ATP2C1: variants seen among roughly 807,000 people sequenced by gnomAD.
ATP2C1 encodes calcium-transporting ATPase type 2C member 1.
In ATP2C1, 31 loss-of-function variants were observed where a neutral mutation model predicts 120.5. That is an observed-to-expected ratio of 0.26 (90% CI 0.19 to 0.35). The LOEUF is 0.35. Ranked by LOEUF, ATP2C1 falls within the 10% of genes least tolerant of loss-of-function variation. ATP2C1 has a pLI of 1.00. For missense variants in ATP2C1, 731 were observed against 1,107.5 expected (o/e 0.66, Z 4.83); for synonymous variants, 351 against 358.7 (o/e 0.98, Z 0.24).
At chr3:130,853,376 C>A (rs1185485132) in intron 1 of ATP2C1, among the ~76,000 whole-genome samples, 3 of 152,118 alleles carry the variant, frequency 2.0e-5, no homozygotes, top group African/African-American at 7.2e-5. Context: ...TTTTTCAATC[C>A]AAAATGATTC....
chr3:130,902,876 A>G (rs2057928563), intron 2 of ATP2C1, among the ~76,000 whole-genome samples: 1 of 151,888 alleles, frequency 6.6e-6, no homozygotes, highest in South Asian at 2.1e-4. Context: ...GGACAGGACC[A>G]CCGATATTTT....
At chr3:130,925,282 T>G (rs567281524) in intron 2 of ATP2C1, among the ~76,000 whole-genome samples, 1 of 152,336 alleles carries the variant, frequency 6.6e-6, no homozygotes, top group Non-Finnish European at 1.5e-5. Flanking sequence ...TGATGTGGTG[T>G]TCTCCCCTTT....
rs554770405 is a variant in ATP2C1, at chr3:131,010,300, C to T, written c.2630-5852C>T. Among the ~76,000 whole-genome samples, 160 of 151,364 alleles carry T rather than the reference C, an allele frequency of 1.1e-3. 1 individual carries two copies. The highest frequency in any genetic ancestry group is 3.5e-3 in the South Asian group (17 of 4,802). Reference sequence around the variant, plus strand: ...CTGCATCCCGGGTTCACACCATTCTCCGGCCTCAGCCTCCCAAGTAGCTGG... The same window carrying T: ...CTGCATCCCGGGTTCACACCATTCTTCGGCCTCAGCCTCCCAAGTAGCTGG... On this transcript the variant is annotated intron_variant, in intron 26 of 26. Transcript: ENST00000328560.
At chr3:130,885,904 T>G (rs2068959531) in intron 1 of ATP2C1, among the ~76,000 whole-genome samples, 1 of 152,214 alleles carries the variant, frequency 6.6e-6, no homozygotes, top group South Asian at 2.1e-4. Context: ...GTTTGTTACA[T>G]AGATAAACAC....
At chr3:130,924,700 A>C (rs1419541860) in intron 2 of ATP2C1, among the ~76,000 whole-genome samples, 1 of 152,174 alleles carries the variant, frequency 6.6e-6, no homozygotes, top group Non-Finnish European at 1.5e-5. Context: ...CCTCAGGAAC[A>C]CGAATTATTT....
chr3:130,972,762 G>A (rs1004654406), intron 17 of ATP2C1, among the ~76,000 whole-genome samples: 3 of 151,574 alleles, frequency 2.0e-5, no homozygotes, highest in African/African-American at 4.8e-5. Context: ...ATGATTTCCA[G>A]TTTCATCCAT....
chr3:130,852,087 A>G (rs1440085105), intron 1 of ATP2C1, among the ~76,000 whole-genome samples: 3 of 152,224 alleles, frequency 2.0e-5, no homozygotes, highest in Non-Finnish European at 2.9e-5. Context: ...TCTGTTCACT[A>G]AGGGAGCTAG....
At chr3:130,889,242 T>C (rs1036467170), upstream of ATP2C1, among the ~76,000 whole-genome samples, 3 of 152,232 alleles carry the variant, frequency 2.0e-5, no homozygotes, top group South Asian at 6.2e-4. Context: ...AAAACCCATG[T>C]AGACACAGGG....
chr3:130,954,136 G>A (rs2108551304), intron 9 of ATP2C1, among the ~76,000 whole-genome samples, 160 bp downstream of exon 9: 1 of 152,260 alleles, frequency 6.6e-6, no homozygotes. Flanking sequence ...GAGAATCTGT[G>A]TCCCCAAAGT....
At chr3:131,000,749 T>A (rs1251321940) in intron 27 of ATP2C1, among the ~76,000 whole-genome samples, 1 of 152,200 alleles carries the variant, frequency 6.6e-6, no homozygotes, top group Non-Finnish European at 1.5e-5. Context: ...TTTTCTTTTC[T>A]TATTTTTAAC....
intron 26 of ATP2C1, among the ~76,000 whole-genome samples, chr3:131,014,784 G>A (rs547309282): frequency 3.3e-5 from 5 of 152,250 alleles, no homozygotes; most frequent in Admixed American, 3.3e-4. Context: ...CATTCACTGA[G>A]ACTAAAAACC....
chr3:130,972,616 C>G (rs913794644), intron 17 of ATP2C1, among the ~76,000 whole-genome samples: 1 of 106,028 alleles, frequency 9.4e-6, no homozygotes, highest in Admixed American at 1.1e-4. Context: ...AATGCTATCC[C>G]TCCCCCTCCC....
At chr3:130,857,300 G>C (rs776907683) in intron 1 of ATP2C1, among the ~76,000 whole-genome samples, 21 of 152,146 alleles carry the variant, frequency 1.4e-4, no homozygotes, top group Non-Finnish European at 1.2e-4. Flanking sequence ...CTAGTTGTCA[G>C]CAACCACCCT....
exon 1 of ATP2C1, chr3:130,850,780 G>T: frequency 1.0e-6 from 1 of 985,300 alleles, no homozygotes; most frequent in South Asian, 2.1e-5. Context: ...TATGGTTGCT[G>T]ACAAGGAGGT....
chr3:130,999,236 G>A (rs1229886197), intron 26 of ATP2C1, among the ~76,000 whole-genome samples: 1 of 151,996 alleles, frequency 6.6e-6, no homozygotes, highest in Non-Finnish European at 1.5e-5. Flanking sequence ...TTGATGTTTG[G>A]GATGTTAAAA....
chr3:130,909,151 A>C (rs2058272959), intron 2 of ATP2C1, among the ~76,000 whole-genome samples: 1 of 152,192 alleles, frequency 6.6e-6, no homozygotes, highest in African/African-American at 2.4e-5. Context: ...TCCCTTAACA[A>C]AGGTTACTGA....
chr3:130,922,157 G>T (rs2058999703), intron 2 of ATP2C1, among the ~76,000 whole-genome samples: 1 of 152,044 alleles, frequency 6.6e-6, no homozygotes, highest in Admixed American at 6.6e-5. Flanking sequence ...GGTCTGTTCA[G>T]AGTTTCTGTA....
intron 7 of ATP2C1, 63 bp downstream of exon 7, chr3:130,940,754 T>G: frequency 8.4e-7 from 1 of 1,183,624 alleles, no homozygotes; most frequent in Non-Finnish European, 1.3e-6. Context: ...ATGTGACTAG[T>G]ACCGTACATA....
chr3:130,852,622 C>A (rs2067710684), intron 1 of ATP2C1, among the ~76,000 whole-genome samples: 1 of 152,058 alleles, frequency 6.6e-6, no homozygotes, highest in Non-Finnish European at 1.5e-5. Flanking sequence ...TATTTGATTT[C>A]TTTTTAAAGC....
Sources: allele counts gnomAD v4.1 joint callset (sites outside exome capture counted in the v4.1 genomes callset), GRCh38; gene constraint gnomAD v4.1.1; transcripts MANE v1.5; gene names NCBI Gene and HGNC (gene_info 2026-07-23, HGNC 2026-07-21).